The following FLT1 variants were observed in gnomAD, a reference collection of about 807,000 sequenced individuals.
The protein encoded by FLT1 is vascular endothelial growth factor receptor 1.
In FLT1, 49 loss-of-function variants were observed where a neutral mutation model predicts 156.3. The ratio of observed to expected loss-of-function variants is 0.31; its 90% CI spans 0.25 to 0.40. The LOEUF is 0.40. Among genes scored for constraint, FLT1 ranks in the 10% least tolerant of loss-of-function variants. The pLI, the probability that FLT1 is intolerant of heterozygous loss-of-function variation, is 1.00. For missense variants in FLT1, 1,322 were observed against 1,637.2 expected (o/e 0.81, Z 3.32); for synonymous variants, 594 against 583.8 (o/e 1.02, Z -0.25).
chr13:28,303,829 G>C (rs1327096482), intron 29 of FLT1, among the ~76,000 whole-genome samples: 1 of 152,126 alleles, frequency 6.6e-6, no homozygotes, highest in African/African-American at 2.4e-5. Flanking sequence ...GTGGTAACTT[G>C]TTACAACAGT....
At position 28,313,479 on chromosome 13, in the gene FLT1, G is replaced by A. The variant is rs959637354; in HGVS notation, c.3387-1381C>T. 2.0e-5 allele frequency among the ~76,000 whole-genome samples: 3 copies of A among 152,284 alleles called. No homozygotes were observed. The East Asian group carries it at 5.8e-4, about 29-fold the overall frequency. Reference sequence around the variant, plus strand: ...ATGTTAACTCTTCTCTCAGAAGATGGTCTGGATGAGAAGGGACTCTGACTT... The same window carrying A: ...ATGTTAACTCTTCTCTCAGAAGATGATCTGGATGAGAAGGGACTCTGACTT... On this transcript the variant is annotated intron_variant, in intron 25 of 29. Transcript: ENST00000282397.
chr13:28,308,295 C>G (rs1389307098), intron 28 of FLT1: 10 of 179,868 alleles, frequency 5.6e-5, no homozygotes, highest in Non-Finnish European at 1.2e-4. Flanking sequence ...CCCTTAGCCC[C>G]TCAACCCCAC....
At chr13:28,339,483 G>T (rs61764361) in intron 16 of FLT1, among the ~76,000 whole-genome samples, 183 bp from the exon 17 acceptor site, 2 of 152,098 alleles carry the variant, frequency 1.3e-5, no homozygotes, top group Admixed American at 6.5e-5. Context: ...TCTATTAAAC[G>T]ACTCCTTACT....
chr13:28,460,797 T>TTTAC (rs1879529049), intron 3 of FLT1, among the ~76,000 whole-genome samples: 2 of 146,004 alleles, frequency 1.4e-5, no homozygotes, highest in Non-Finnish European at 3.0e-5. Context: ...TCAGACCCAT[T>TTTAC]ACACACACAC....
chr13:28,336,973 C>G (rs1872142066), intron 17 of FLT1, among the ~76,000 whole-genome samples: 1 of 151,978 alleles, frequency 6.6e-6, no homozygotes. Context: ...GTCTCGAACT[C>G]CTGACCTCAG....
chr13:28,366,984 AC>A (rs1356728680), intron 14 of FLT1, among the ~76,000 whole-genome samples: 2 of 152,200 alleles, frequency 1.3e-5, no homozygotes, highest in Non-Finnish European at 2.9e-5. Context: ...ACCTTCAGTA[AC>A]TGAGGAAAAT....
chr13:28,372,158 TGCAAC>T (rs1873634575), intron 14 of FLT1, among the ~76,000 whole-genome samples: 1 of 144,510 alleles, frequency 6.9e-6, no homozygotes, highest in Non-Finnish European at 1.5e-5. Flanking sequence ...CTTGGCTCAC[TGCAAC>T]CTCTGCCTCC....
At chr13:28,379,695 G>A (rs936165672) in intron 14 of FLT1, among the ~76,000 whole-genome samples, 16 of 152,194 alleles carry the variant, frequency 1.1e-4, no homozygotes, top group Non-Finnish European at 1.9e-4. Flanking sequence ...GTTCACATGC[G>A]TTCCAGGGCC....
chr13:28,474,927 T>C (rs945291412), intron 1 of FLT1, among the ~76,000 whole-genome samples: 1 of 152,224 alleles, frequency 6.6e-6, no homozygotes, highest in Admixed American at 6.5e-5. Flanking sequence ...CACAGAGTTA[T>C]GTTGAAGGCC....
chr13:28,465,206 C>G (rs1171182975), intron 3 of FLT1, among the ~76,000 whole-genome samples: 1 of 152,136 alleles, frequency 6.6e-6, no homozygotes, highest in African/African-American at 2.4e-5. Flanking sequence ...TCCTTTCATC[C>G]CTGCTTTAGA....
At chr13:28,412,123 C>T (rs914388401) in intron 10 of FLT1, among the ~76,000 whole-genome samples, 1 of 152,120 alleles carries the variant, frequency 6.6e-6, no homozygotes, top group African/African-American at 2.4e-5. Flanking sequence ...CATCTGGAAC[C>T]CTGCCAGAGG....
At chr13:28,465,772 A>G (rs934775937) in intron 3 of FLT1, among the ~76,000 whole-genome samples, 54 of 152,164 alleles carry the variant, frequency 3.5e-4, no homozygotes, top group Non-Finnish European at 7.1e-4. Flanking sequence ...TGCCCCTGGG[A>G]GGCAGAAGTT....
intron 11 of FLT1, chr13:28,399,089 C>T (rs985864882): frequency 6.4e-7 from 1 of 1,551,058 alleles, no homozygotes; most frequent in Non-Finnish European, 8.7e-7. Context: ...TTGTAGGTGG[C>T]AACATGAAAG....
At chr13:28,387,204 A>AG (rs1478897724) in intron 13 of FLT1, 1 of 1,037,884 alleles carries the variant, frequency 9.6e-7, no homozygotes, top group African/African-American at 1.7e-5. Context: ...ATTAAATACA[A>AG]GGTTCACATA....
At position 28,303,009 on chromosome 13, in the gene FLT1, C is replaced by CA. The variant is rs58778671; in HGVS notation, c.*157dup. On this transcript the variant is annotated 3_prime_UTR_variant, in exon 30 of 30. Transcript: ENST00000282397. Reference sequence around the variant, plus strand: ...TATCTGGAGTTACATTCTTGTTAGTCAAAAAAAAAAAAGCACTATTAAAAA... The same window carrying CA: ...TATCTGGAGTTACATTCTTGTTAGTCAAAAAAAAAAAAAGCACTATTAAAAA... 9.8e-3 allele frequency: 5,381 copies of CA among 547,004 alleles called. No homozygotes were observed. The highest frequency in any genetic ancestry group is 0.011 in the Non-Finnish European group (3,506 of 314,478). The allele number at this position is 547,004 out of a possible 1,614,324, so 33.9% of individuals were successfully genotyped here.
intron 14 of FLT1, among the ~76,000 whole-genome samples, chr13:28,362,462 T>C (rs974270790): frequency 1.3e-5 from 2 of 152,208 alleles, no homozygotes; most frequent in Admixed American, 1.3e-4. Context: ...ATCATTACAA[T>C]AATCTCCATT....
At chr13:28,404,209 C>G (rs763955884) in intron 11 of FLT1, among the ~76,000 whole-genome samples, 7 of 152,156 alleles carry the variant, frequency 4.6e-5, no homozygotes, top group Non-Finnish European at 8.8e-5. Context: ...TGTAAACCAC[C>G]TACAGCTACT....
At chr13:28,399,236 T>C in intron 11 of FLT1, 1 of 560,738 alleles carries the variant, frequency 1.8e-6, no homozygotes, top group Non-Finnish European at 3.1e-6. Context: ...AGATGAAGCC[T>C]TTTTAAGCTG....
At chr13:28,482,447 C>T (rs898537611) in intron 1 of FLT1, among the ~76,000 whole-genome samples, 6 of 147,072 alleles carry the variant, frequency 4.1e-5, no homozygotes, top group African/African-American at 1.5e-4. Context: ...GCCTGGACAA[C>T]AAAAGTAAAA....
Sources: allele counts gnomAD v4.1 joint callset (sites outside exome capture counted in the v4.1 genomes callset), GRCh38; gene constraint gnomAD v4.1.1; transcripts MANE v1.5; gene names NCBI Gene and HGNC (gene_info 2026-07-23, HGNC 2026-07-21).